The following SGSM1 variants were observed in gnomAD, a reference collection of about 807,000 sequenced individuals.
The protein encoded by SGSM1 is RUN and TBC1 domain containing 2.
In SGSM1, 73 loss-of-function variants were observed where a neutral mutation model predicts 133.8. The ratio of observed to expected loss-of-function variants is 0.55; its 90% CI spans 0.45 to 0.66. The LOEUF is 0.66. Among genes scored for constraint, SGSM1 ranks in the 30% least tolerant of loss-of-function variants. The probability of loss-of-function intolerance (pLI) is 0.00; values close to 1 mark genes in which losing one functional copy is unlikely to be tolerated. For synonymous variants in SGSM1, 563 were observed against 573.0 expected (o/e 0.98, Z 0.25); for missense variants, 1,213 against 1,448.1 (o/e 0.84, Z 2.64).
chr22:24,851,449 G>GGGAGAGAGA (rs1555925285), intron 5 of SGSM1, among the ~76,000 whole-genome samples: 6 of 112,820 alleles, frequency 5.3e-5, no homozygotes, highest in African/African-American at 1.4e-4. Context: ...GGGGGTGGGG[G>GGGAGAGAGA]GAGAGAGAGA....
intron 19 of SGSM1, among the ~76,000 whole-genome samples, chr22:24,899,286 A>G (rs557988304): frequency 6.6e-6 from 1 of 152,148 alleles, no homozygotes; most frequent in South Asian, 2.1e-4. Flanking sequence ...CTTTTCAAAC[A>G]TTTAGACATA....
At position 24,845,941 on chromosome 22, in the gene SGSM1, T is replaced by TTTTTC. The variant is rs1555924223; in HGVS notation, c.139+972_139+973insTCTTT. Among the ~76,000 whole-genome samples the TTTTTC allele has an allele frequency of 2.0e-4, 23 of 115,710 alleles. No homozygotes were observed. The Middle Eastern group carries it at 0.016, about 80-fold the overall frequency. 75.9% of individuals were successfully genotyped at this position (115,710 alleles called of 152,430 possible). On this transcript the variant is annotated intron_variant, in intron 3 of 24. Transcript: ENST00000400358. ...TGGGCAAGATCTTTCTTTTCTTTTC[T>TTTTTC]TTTCTTTCTTTCTTTCTTTCTTTCT...
chr22:24,924,011 C>T (rs1205546340), intron 24 of SGSM1, among the ~76,000 whole-genome samples, 175 bp from the exon 25 acceptor site: 15 of 152,078 alleles, frequency 9.9e-5, no homozygotes, highest in Admixed American at 9.2e-4. Context: ...TGTTCCAATC[C>T]CCATTTTACA....
At chr22:24,835,242 T>A (rs1929360094) in intron 2 of SGSM1, among the ~76,000 whole-genome samples, 1 of 152,228 alleles carries the variant, frequency 6.6e-6, no homozygotes, top group African/African-American at 2.4e-5. Flanking sequence ...TCTGTCATCA[T>A]TATTCAAATG....
intron 3 of SGSM1, among the ~76,000 whole-genome samples, chr22:24,847,061 C>T (rs1372894748): frequency 6.6e-6 from 1 of 152,024 alleles, no homozygotes; most frequent in Non-Finnish European, 1.5e-5. Flanking sequence ...AGGATGGTCT[C>T]GATCTCCTGA....
At chr22:24,827,489 G>C (rs1208337396) in intron 2 of SGSM1, among the ~76,000 whole-genome samples, 26 of 152,122 alleles carry the variant, frequency 1.7e-4, no homozygotes. Context: ...ACGGGGCTGG[G>C]CTGCAGCCTT....
intron 2 of SGSM1, among the ~76,000 whole-genome samples, chr22:24,824,342 A>AT (rs1034323337): frequency 1.9e-4 from 29 of 152,078 alleles, no homozygotes; most frequent in African/African-American, 7.0e-4. Context: ...AAGAGACAGG[A>AT]TTTAGCAGGG....
rs776946803 is a variant in SGSM1 at position 24,847,660 on chromosome 22, G to C, written c.166G>C (p.Gly56Arg). ...GGCTGTGGAGGCCTGCGTTCTGCAC[G>C]GGCTTCGGCGGCGGGCGGCTGGCTT... Reference protein sequence around the residue: ...CAAVEACVLHGLRRRAAGFLR... With the variant: ...CAAVEACVLHRLRRRAAGFLR... The change falls in exon 4 of 25, where the codon GGG becomes CGG. Residue 56 changes from glycine to arginine, a missense_variant. Transcript: ENST00000400358. 6.2e-7 allele frequency: 1 copy of C among 1,613,688 alleles called. No individual in the cohort carries two copies. The highest frequency in any genetic ancestry group is 1.1e-5 in the South Asian group (1 of 91,060).
At chr22:24,833,289 G>T (rs1170489168) in intron 2 of SGSM1, among the ~76,000 whole-genome samples, 1 of 151,934 alleles carries the variant, frequency 6.6e-6, no homozygotes, top group Non-Finnish European at 1.5e-5. Flanking sequence ...CCACCCTAAT[G>T]ACCTCATTTT....
chr22:24,824,394 A>C (rs1928671781), intron 2 of SGSM1, among the ~76,000 whole-genome samples: 1 of 152,084 alleles, frequency 6.6e-6, no homozygotes. Flanking sequence ...CACAGCTTGT[A>C]GGGCTGTGGC....
At position 24,926,078 on chromosome 22, in the gene SGSM1, T is replaced by TTC. The variant is rs1934193534; in HGVS notation, c.*1804_*1805insTC. Reference sequence around the variant, plus strand: ...GGATTTTGGAGAGGGAGAGGATAGGTAAAGCAGCGTATTGAAGCATTTGCG... The same window carrying TTC: ...GGATTTTGGAGAGGGAGAGGATAGGTTCAAAGCAGCGTATTGAAGCATTTGCG... On this transcript the variant is annotated 3_prime_UTR_variant, in exon 25 of 25. Transcript: ENST00000400358. The TTC allele has an allele frequency of 6.6e-6, 1 of 152,118 alleles. No homozygotes were observed. The highest frequency in any genetic ancestry group is 1.5e-5 in the Non-Finnish European group (1 of 68,074). 9.4% of individuals were successfully genotyped at this position (152,118 alleles called of 1,614,324 possible).
At chr22:24,847,879 C>G in intron 4 of SGSM1, 83 bp downstream of exon 4, 1 of 1,499,504 alleles carries the variant, frequency 6.7e-7, no homozygotes, top group Non-Finnish European at 9.0e-7. Context: ...GAGCCTGCAA[C>G]CCCTAGCACT....
chr22:24,914,271 C>T (rs1236580068), intron 22 of SGSM1, among the ~76,000 whole-genome samples: 10 of 132,728 alleles, frequency 7.5e-5, no homozygotes, highest in Admixed American at 8.9e-5. Flanking sequence ...CCAGCCTGGG[C>T]GACAGAGCAA....
chr22:24,920,383 A>G (rs5752019), intron 24 of SGSM1, among the ~76,000 whole-genome samples: 31,567 of 152,152 alleles, frequency 0.21, 4,008 homozygotes, highest in East Asian at 0.55. Flanking sequence ...CAGCAATTTG[A>G]GTAACACGAA....
rs201216289 is a variant in SGSM1, at chr22:24,897,969, C to T, written c.2023-3C>T. On this transcript the variant is annotated splice_polypyrimidine_tract_variant and splice_region_variant and intron_variant, in intron 18 of 24. Transcript: ENST00000400358. ...CATCTGTTTTTGTGCACCTTGTCCT[C>T]AGGTGTTTGAGTCTGTGGATGAGGT... The T allele has an allele frequency of 2.1e-4, 341 of 1,586,668 alleles. No individual in the cohort carries two copies. In the African/African-American group the frequency reaches 3.9e-3, roughly 18 times the overall value.
chr22:24,839,521 C>T lies in SGSM1; in HGVS notation c.64-5376C>T, dbSNP rs569611269. The stretch of plus-strand genomic sequence containing the variant: ...CTTATAAAATGAGTTTGGAAGTGCT[C>T]CTGCCTCTTTAATATTTTTGGAAGA... On this transcript the variant is annotated intron_variant, in intron 2 of 24. Coordinates refer to ENST00000400358, the MANE Select transcript of SGSM1 (RefSeq NM_001098497.3). Among the ~76,000 whole-genome samples the T allele has an allele frequency of 1.1e-4, 16 of 152,182 alleles. 1 individual carries two copies. In the South Asian group the frequency reaches 3.3e-3, roughly 32 times the overall value.
Position 24,919,732 on chromosome 22 carries a change from C to T in SGSM1, c.3026-94C>T, listed in dbSNP as rs564265561. On this transcript the variant is annotated intron_variant, in intron 23 of 24. Coordinates refer to ENST00000400358, the MANE Select transcript of SGSM1 (RefSeq NM_001098497.3). ...GCACAGGCATAAGGCAAAACTTGCC[C>T]GGGATTTTCCCACCTTGGGGGGCTT... is the stretch of plus-strand genomic sequence containing the variant. 1.7e-3 allele frequency: 2,471 copies of T among 1,487,194 alleles called. 1 individual carries two copies. The highest frequency in any genetic ancestry group is 2.1e-3 in the Non-Finnish European group (2,297 of 1,088,194). The allele number at this position is 1,487,194 out of a possible 1,614,324, so 92.1% of individuals were successfully genotyped here.
intron 2 of SGSM1, among the ~76,000 whole-genome samples, chr22:24,821,296 C>T (rs1928455356): frequency 6.6e-6 from 1 of 152,246 alleles, no homozygotes; most frequent in African/African-American, 2.4e-5. Flanking sequence ...CTCGGCCTCC[C>T]AAAGTGCTGG....
chr22:24,818,829 A>G lies in SGSM1; in HGVS notation c.63+12345A>G, dbSNP rs552638196. Among the ~76,000 whole-genome samples, 181 of 152,260 alleles carry G rather than the reference A, an allele frequency of 1.2e-3. 1 individual carries two copies. Among genetic ancestry groups the G allele is most frequent in the African/African-American group, 4.0e-3 (167 of 41,542 alleles). On this transcript the variant is annotated intron_variant, in intron 2 of 24. Coordinates refer to ENST00000400358, the MANE Select transcript of SGSM1 (RefSeq NM_001098497.3). Reference sequence around the variant, plus strand: ...ACCTCTTAGTTTCTAAACCAGTTCCAATAATAATAGCTTTCTGATAAAAAT... The same window carrying G: ...ACCTCTTAGTTTCTAAACCAGTTCCGATAATAATAGCTTTCTGATAAAAAT...
Sources: gnomAD v4.1 joint callset for allele counts (sites outside exome capture counted in the v4.1 genomes callset) on GRCh38, gnomAD v4.1.1 for gene constraint, MANE v1.5 for transcripts, NCBI Gene and HGNC (gene_info 2026-07-23, HGNC 2026-07-21) for gene names.